EGF: variants seen among roughly 807,000 people sequenced by gnomAD.
The protein encoded by EGF is pro-epidermal growth factor.
In EGF, 95 loss-of-function variants were observed where a neutral mutation model predicts 143.8. The observed-to-expected ratio is 0.66, with a 90% CI of 0.56 to 0.78. EGF has a LOEUF of 0.78. Ranked by LOEUF, EGF falls within the 30% of genes least tolerant of loss-of-function variation. The pLI, the probability that EGF is intolerant of heterozygous loss-of-function variation, is 0.00. For synonymous variants in EGF, 510 were observed against 510.5 expected (o/e 1.00, Z 0.01); for missense variants, 1,320 against 1,470.9 (o/e 0.90, Z 1.68).
rs1248970668 is a variant in EGF at position 110,013,018 on chromosome 4, G to A, written c.*1563G>A. 6.6e-6 allele frequency among the ~76,000 whole-genome samples: 1 copy of A among 152,130 alleles called. No homozygotes were observed. Among genetic ancestry groups the A allele is most frequent in the African/African-American group, 2.4e-5 (1 of 41,424 alleles). Reference sequence around the variant, plus strand: ...TTTGGTAAAGATTTGGTGATGGGAGGATGACTTGAGGTTTGTGGATATTAG... The same window carrying A: ...TTTGGTAAAGATTTGGTGATGGGAGAATGACTTGAGGTTTGTGGATATTAG... On this transcript the variant is annotated 3_prime_UTR_variant, in exon 24 of 24. Coordinates refer to ENST00000265171, the MANE Select transcript of EGF (RefSeq NM_001963.6).
At chr4:110,007,047 A>G (rs1414007069) in intron 22 of EGF, among the ~76,000 whole-genome samples, 1 of 152,196 alleles carries the variant, frequency 6.6e-6, no homozygotes, top group Non-Finnish European at 1.5e-5. Context: ...ATGTGTCTTT[A>G]AACAGTGGGT....
At position 109,980,855 on chromosome 4, in the gene EGF, G is replaced by A. The variant is rs749820277; in HGVS notation, c.2251G>A (p.Gly751Ser). The change falls in exon 15 of 24, where the codon GGC (glycine) becomes AGC (serine). Residue 751 changes from glycine to serine, a missense_variant. Around this residue, in one of 5 missense-constraint regions of EGF, gnomAD observed 1,186 missense variants for 1,313.7 expected, o/e 0.90. Coordinates refer to ENST00000265171, the MANE Select transcript of EGF (RefSeq NM_001963.6). ...GADPCLYQNG[G>S]CEHICKKRLG... is the part of the protein sequence containing the mutation. Reference sequence around the variant, plus strand: ...AGATCCCTGCTTATATCAAAACGGAGGCTGTGAACATATTTGCAAAAAGAG... The same window carrying A: ...AGATCCCTGCTTATATCAAAACGGAAGCTGTGAACATATTTGCAAAAAGAG... 6.2e-7 allele frequency: 1 copy of A among 1,614,072 alleles called. No homozygotes were observed.
At chr4:109,983,350 A>G in intron 15 of EGF, 72 bp from the exon 16 acceptor site, 2 of 1,538,704 alleles carry the variant, frequency 1.3e-6, no homozygotes, top group East Asian at 2.3e-5. Flanking sequence ...ATAGTCGTAA[A>G]CATAAATGAA....
Position 110,011,534 on chromosome 4 carries a change from A to T in EGF, c.*79A>T. 1 of 1,608,636 alleles carries T rather than the reference A, an allele frequency of 6.2e-7. No individual in the cohort carries two copies. The highest frequency in any genetic ancestry group is 8.5e-7 in the Non-Finnish European group (1 of 1,177,880). On this transcript the variant is annotated 3_prime_UTR_variant, in exon 24 of 24. Transcript: ENST00000265171. ...TCTTTTCTTTCAAAAGTAGAGCAAA[A>T]CTATAGGTTTTGGTTCCACAATCTC... is the stretch of plus-strand genomic sequence containing the variant.
chr4:109,977,788 C>T (rs954137099), intron 13 of EGF, among the ~76,000 whole-genome samples: 3 of 152,024 alleles, frequency 2.0e-5, no homozygotes, highest in East Asian at 3.9e-4. Flanking sequence ...TGTAGTGAGC[C>T]GTGATTGTGC....
intron 18 of EGF, among the ~76,000 whole-genome samples, chr4:109,989,185 T>G (rs1278230691): frequency 6.6e-6 from 1 of 152,180 alleles, no homozygotes; most frequent in Non-Finnish European, 1.5e-5. Flanking sequence ...ATAAGTTCAA[T>G]AGGTGGGAGA....
chr4:109,963,304 T>C lies in EGF; in HGVS notation c.1438+6T>C, dbSNP rs1308263845. ...AAAAAGCTGTGCAGCTTCAGGTTAGTGCTGTGGTTGTCTGGAACTGTGTCC... is the reference window on the plus strand; with the variant it reads ...AAAAAGCTGTGCAGCTTCAGGTTAGCGCTGTGGTTGTCTGGAACTGTGTCC... On this transcript the variant is annotated splice_donor_region_variant and intron_variant, in intron 9 of 23. Coordinates refer to ENST00000265171, the MANE Select transcript of EGF (RefSeq NM_001963.6). The C allele has an allele frequency of 6.2e-7, 1 of 1,613,944 alleles. No homozygotes were observed. Among genetic ancestry groups the C allele is most frequent in the Non-Finnish European group, 8.5e-7 (1 of 1,179,900 alleles).
intron 1 of EGF, among the ~76,000 whole-genome samples, chr4:109,917,080 G>A (rs1395953857): frequency 2.0e-5 from 3 of 151,976 alleles, no homozygotes; most frequent in Admixed American, 1.3e-4. Flanking sequence ...TCTGTTCGTC[G>A]GGTTTCTTAC....
At chr4:109,921,850 T>C (rs1415938365) in intron 1 of EGF, among the ~76,000 whole-genome samples, 4 of 151,614 alleles carry the variant, frequency 2.6e-5, no homozygotes, top group Non-Finnish European at 5.9e-5. Context: ...TCTTTCTTTT[T>C]CACACACACC....
At chr4:109,913,513 C>T (rs562855614) in intron 1 of EGF, 51 bp downstream of exon 1, 25 of 1,601,734 alleles carry the variant, frequency 1.6e-5, no homozygotes, top group South Asian at 4.5e-5. Flanking sequence ...ACTGCCCCCA[C>T]ATCCCTGTTG....
chr4:109,916,455 C>T (rs1328752782), intron 1 of EGF, among the ~76,000 whole-genome samples: 1 of 151,934 alleles, frequency 6.6e-6, no homozygotes, highest in Non-Finnish European at 1.5e-5. Context: ...TCTCATTTTC[C>T]TTACCCTAAA....
At chr4:109,967,975 C>T (rs1746883118) in intron 10 of EGF, among the ~76,000 whole-genome samples, 1 of 152,100 alleles carries the variant, frequency 6.6e-6, no homozygotes, top group South Asian at 2.1e-4. Context: ...CTGGAAGTTG[C>T]ACTGGATGAG....
intron 10 of EGF, chr4:109,968,673 C>CATCTATCTATCTATCTATTT (rs1747006662): frequency 2.9e-6 from 1 of 343,768 alleles, no homozygotes; most frequent in Non-Finnish European, 5.5e-6. Context: ...TATCTATATA[C>CATCTATCTATCTATCTATTT]ATCTATCTAT....
At chr4:110,000,346 C>T (rs1467876837) in intron 21 of EGF, among the ~76,000 whole-genome samples, 1 of 151,556 alleles carries the variant, frequency 6.6e-6, no homozygotes, top group Non-Finnish European at 1.5e-5. Flanking sequence ...TTACGTTTTC[C>T]TTGTTCCATT....
chr4:109,937,528 C>G (rs946594918), intron 1 of EGF, among the ~76,000 whole-genome samples: 2 of 152,020 alleles, frequency 1.3e-5, no homozygotes, highest in East Asian at 3.8e-4. Context: ...GGGCATTTAG[C>G]CCATTTACAT....
In EGF at chr4:109,993,489, T is replaced by G. The variant is rs1003456656; in HGVS notation, c.2857+120T>G. 2.8e-6 allele frequency: 4 copies of G among 1,425,900 alleles called. No homozygotes were observed. In the African/African-American group the frequency reaches 4.2e-5, roughly 15 times the overall value. The allele number at this position is 1,425,900 out of a possible 1,614,324, so 88.3% of individuals were successfully genotyped here. ...ATTCAGTTCAGGCAGGCTGCAGAGC[T>G]GGCTTTCCTGATTAGGACGATGCTG... is the stretch of plus-strand genomic sequence containing the variant. On this transcript the variant is annotated intron_variant, in intron 19 of 23. Transcript: ENST00000265171.
At chr4:109,914,349 G>A (rs1457466869) in intron 1 of EGF, among the ~76,000 whole-genome samples, 1 of 152,168 alleles carries the variant, frequency 6.6e-6, no homozygotes, top group Non-Finnish European at 1.5e-5. Flanking sequence ...TTAAAAAGAG[G>A]TAGATTGAGG....
chr4:109,939,722 G>T, intron 1 of EGF, among the ~76,000 whole-genome samples: 1 of 152,250 alleles, frequency 6.6e-6, no homozygotes, highest in East Asian at 1.9e-4. Flanking sequence ...CCAAAGTGGA[G>T]TTAGTGTTTT....
At chr4:109,993,198 C>A in intron 18 of EGF, 49 bp from the exon 19 acceptor site, 1 of 1,610,852 alleles carries the variant, frequency 6.2e-7, no homozygotes, top group Non-Finnish European at 8.5e-7. Flanking sequence ...ATAAAACCCT[C>A]TTTTTCTGTA....
Sources: gnomAD v4.1 joint callset for allele counts (sites outside exome capture counted in the v4.1 genomes callset) on GRCh38, gnomAD v4.1.1 for gene constraint, gnomAD v4.1.1 regional missense constraint, MANE v1.5 for transcripts, NCBI Gene and HGNC (gene_info 2026-07-23, HGNC 2026-07-21) for gene names.